The following NAAA variants were observed in gnomAD, a reference collection of about 807,000 sequenced individuals.
NAAA encodes the protein N-acylethanolamine acid amidase.
In NAAA, 39 loss-of-function variants were observed where a neutral mutation model predicts 44.8. The observed-to-expected ratio is 0.87, with a 90% CI of 0.67 to 1.14. The LOEUF (loss-of-function observed/expected upper bound fraction) is 1.14, where lower values mean the gene tolerates loss of function less well. NAAA is among the 50% of genes most tolerant of loss of function. The pLI is 0.00. For missense variants in NAAA, 460 were observed against 467.8 expected (o/e 0.98, Z 0.15); for synonymous variants, 178 against 191.3 (o/e 0.93, Z 0.58).
rs1391291341 is a variant in NAAA, at chr4:75,936,136, C to CA, written c.470dup (p.Asp158GlyfsTer37). On this transcript the variant is annotated frameshift_variant, in exon 3 of 11. Coordinates refer to ENST00000286733, the MANE Select transcript of NAAA (RefSeq NM_014435.4). LOFTEE classifies it high-confidence loss of function. Reference sequence around the variant, plus strand: ...GCCCATTCTTTAAGAATTGCACATCCACTGTCAGCTTGCGTAAGACATTCC... The same window carrying CA: ...GCCCATTCTTTAAGAATTGCACATCCAACTGTCAGCTTGCGTAAGACATTCC... 6.2e-7 allele frequency: 1 copy of CA among 1,614,036 alleles called. No individual in the cohort carries two copies. Among genetic ancestry groups the CA allele is most frequent in the East Asian group, 2.2e-5 (1 of 44,876 alleles).
chr4:75,913,706 T>C lies in NAAA; in HGVS notation c.*669A>G. ...CTCCTTGCCAACATTTCTTTTGACA[T>C]TTTATTACTTAATTATGTGACATTA... On this transcript the variant is annotated 3_prime_UTR_variant, in exon 11 of 11. Coordinates refer to ENST00000286733, the MANE Select transcript of NAAA (RefSeq NM_014435.4). 1 of 982,644 alleles carries C rather than the reference T, an allele frequency of 1.0e-6. No individual in the cohort carries two copies. The highest frequency in any genetic ancestry group is 1.2e-6 in the Non-Finnish European group (1 of 827,460). The allele number at this position is 982,644 out of a possible 1,614,324, so 60.9% of individuals were successfully genotyped here. A position where few individuals can be genotyped will look rare whatever the true frequency, so the allele number is the denominator to read the frequency against.
chr4:75,929,869 C>T (rs1384979706), intron 4 of NAAA, among the ~76,000 whole-genome samples: 2 of 152,134 alleles, frequency 1.3e-5, no homozygotes. Flanking sequence ...GTGGGTGGAT[C>T]ACCTGAGGTT....
intron 3 of NAAA, among the ~76,000 whole-genome samples, chr4:75,933,897 G>A (rs1727461091): frequency 6.6e-6 from 1 of 151,874 alleles, no homozygotes; most frequent in Non-Finnish European, 1.5e-5. Context: ...GGGTGTGGTG[G>A]CACCCTCCTA....
chr4:75,933,132 C>CA (rs59490735), intron 3 of NAAA, among the ~76,000 whole-genome samples: 47,905 of 122,892 alleles, frequency 0.39, 9,439 homozygotes, highest in East Asian at 0.48. Context: ...GACTCTGTCT[C>CA]AAAAAAAAAA....
At chr4:75,919,423 A>G (rs1231290900) in intron 8 of NAAA, 2 of 157,208 alleles carry the variant, frequency 1.3e-5, no homozygotes, top group African/African-American at 4.8e-5. Context: ...TAATATAAAG[A>G]AAAACTTTGG....
intron 9 of NAAA, chr4:75,917,029 C>A (rs146686498): frequency 2.6e-6 from 2 of 765,070 alleles, no homozygotes; most frequent in East Asian, 1.3e-4. Context: ...ATCCACCCGC[C>A]TCGGCTTCCA....
At chr4:75,917,905 C>G (rs533501201) in intron 9 of NAAA, 2 of 237,060 alleles carry the variant, frequency 8.4e-6, no homozygotes, top group Non-Finnish European at 1.7e-5. Flanking sequence ...ATTAACTAAG[C>G]GAATTGTCAG....
downstream of NAAA, among the ~76,000 whole-genome samples, chr4:75,912,511 G>T (rs1482392367): frequency 1.4e-5 from 2 of 146,826 alleles, no homozygotes; most frequent in Non-Finnish European, 3.0e-5. Context: ...CCGAGATCGT[G>T]CCATCGCACT....
At chr4:75,918,686 T>C in intron 9 of NAAA, 75 bp downstream of exon 9, 1 of 1,517,878 alleles carries the variant, frequency 6.6e-7, no homozygotes, top group South Asian at 1.1e-5. Context: ...AGATCCTTGC[T>C]GAGCCAAACA....
Position 75,940,958 on chromosome 4 carries a change from C to A in NAAA, c.-9G>T, listed in dbSNP as rs1484165599. 3.4e-6 allele frequency: 5 copies of A among 1,469,894 alleles called. No homozygotes were observed. The highest frequency in any genetic ancestry group is 4.5e-6 in the Non-Finnish European group (5 of 1,120,388). The allele number at this position is 1,469,894 out of a possible 1,614,324, so 91.1% of individuals were successfully genotyped here. A position where few individuals can be genotyped will look rare whatever the true frequency, so the allele number is the denominator to read the frequency against. On this transcript the variant is annotated 5_prime_UTR_variant, in exon 1 of 11. Transcript: ENST00000286733. Reference sequence around the variant, plus strand: ...CGGTCCGCGGTCCGCATGGCTCGGGCTCCAGCGGCCGCAACTTGGAGACCT... The same window carrying A: ...CGGTCCGCGGTCCGCATGGCTCGGGATCCAGCGGCCGCAACTTGGAGACCT...
At chr4:75,940,613 C>A in intron 1 of NAAA, 131 bp downstream of exon 1, 1 of 1,074,806 alleles carries the variant, frequency 9.3e-7, no homozygotes, top group Non-Finnish European at 1.3e-6. Context: ...CTCAGGGCGG[C>A]AGCCAAAACC....
intron 2 of NAAA, among the ~76,000 whole-genome samples, chr4:75,939,000 G>A (rs1416740678): frequency 6.6e-6 from 1 of 151,858 alleles, no homozygotes; most frequent in Non-Finnish European, 1.5e-5. Context: ...ACAGGTGCCC[G>A]CCACCAGGCC....
intron 5 of NAAA, among the ~76,000 whole-genome samples, chr4:75,924,791 C>G (rs1726499008): frequency 6.6e-6 from 1 of 152,196 alleles, no homozygotes; most frequent in African/African-American, 2.4e-5. Context: ...CTCTATTAGA[C>G]CTTGACCCTG....
In NAAA at chr4:75,915,967, A is replaced by G. The variant is rs368931653; in HGVS notation, c.999-982T>C. Among the ~76,000 whole-genome samples, 221 of 152,358 alleles carry G rather than the reference A, an allele frequency of 1.5e-3. 1 individual carries two copies. Among genetic ancestry groups the G allele is most frequent in the African/African-American group, 4.9e-3 (203 of 41,594 alleles). ...AGGCAGAATTAGTAGCACTGGGTCC[A>G]CAGCTAAATCATACACCCAGTTAAA... is the stretch of plus-strand genomic sequence containing the variant. On this transcript the variant is annotated intron_variant, in intron 9 of 10. Coordinates refer to ENST00000286733, the MANE Select transcript of NAAA (RefSeq NM_014435.4).
intron 3 of NAAA, among the ~76,000 whole-genome samples, chr4:75,934,423 C>T (rs939469320): frequency 2.0e-5 from 3 of 151,850 alleles, no homozygotes; most frequent in African/African-American, 7.2e-5. Flanking sequence ...TCAAGCGATT[C>T]CCCTGCCTCA....
At position 75,914,898 on chromosome 4, in the gene NAAA, G is replaced by A; in HGVS notation, c.*6C>T. 2 of 1,613,922 alleles carry A rather than the reference G, an allele frequency of 1.2e-6. No homozygotes were observed. Among genetic ancestry groups the A allele is most frequent in the Non-Finnish European group, 1.7e-6 (2 of 1,179,894 alleles). On this transcript the variant is annotated 3_prime_UTR_variant, in exon 10 of 11. Transcript: ENST00000286733. ...ACAGCACGGGCGAACTCGCTCTTCT[G>A]CTGACTTACTTTCTACTCGGGTTTC... is the stretch of plus-strand genomic sequence containing the variant.
chr4:75,932,897 G>A lies in NAAA; in HGVS notation c.499-1593C>T, dbSNP rs551800955. 3.2e-4 allele frequency among the ~76,000 whole-genome samples: 48 copies of A among 152,220 alleles called. No homozygotes were observed. The South Asian group carries it at 1.0e-2, about 32-fold the overall frequency. Reference sequence around the variant, plus strand: ...CACCTGTAATCCCAGCACTTTGGGAGGCCAAGGTAGGCGGATCACTTGAGG... The same window carrying A: ...CACCTGTAATCCCAGCACTTTGGGAAGCCAAGGTAGGCGGATCACTTGAGG... On this transcript the variant is annotated intron_variant, in intron 3 of 10. Coordinates refer to ENST00000286733, the MANE Select transcript of NAAA (RefSeq NM_014435.4).
At chr4:75,931,158 T>G in intron 4 of NAAA, 56 bp downstream of exon 4, 1 of 1,403,824 alleles carries the variant, frequency 7.1e-7, no homozygotes, top group South Asian at 1.2e-5. Context: ...AGGAAGTGCT[T>G]GGATAGAACT....
At chr4:75,929,412 G>A (rs111554538) in intron 4 of NAAA, among the ~76,000 whole-genome samples, 1,831 of 152,226 alleles carry the variant, frequency 0.012, 23 homozygotes, top group Middle Eastern at 0.058. Flanking sequence ...CACGTAGCTG[G>A]GACTACAGGC....
Sources: gnomAD v4.1 joint callset for allele counts (sites outside exome capture counted in the v4.1 genomes callset) on GRCh38, gnomAD v4.1.1 for gene constraint, MANE v1.5 for transcripts, NCBI Gene and HGNC (gene_info 2026-07-23, HGNC 2026-07-21) for gene names.